The following TP73 variants were observed in gnomAD, a reference collection of about 807,000 sequenced individuals.
TP73 encodes tumor protein p73, also known as p53-like transcription factor.
A neutral mutation model predicts 62.5 loss-of-function variants in TP73; 25 were observed. The observed-to-expected ratio is 0.40, with a 90% CI of 0.29 to 0.56. The LOEUF is 0.56. TP73 is among the 20% of genes least tolerant of loss of function. The probability of loss-of-function intolerance (pLI) is 0.46; values close to 1 mark genes in which losing one functional copy is unlikely to be tolerated. For synonymous variants in TP73, 423 were observed against 377.5 expected (o/e 1.12, Z -1.40); for missense variants, 754 against 913.3 (o/e 0.83, Z 2.25).
At position 3,727,800 on chromosome 1, in the gene TP73, G is replaced by C. The variant is rs571470041; in HGVS notation, c.985+30G>C. The C allele has an allele frequency of 5.3e-6, 8 of 1,505,144 alleles. No individual in the cohort carries two copies. The South Asian group carries it at 1.0e-4, about 19-fold the overall frequency. 93.2% of individuals were successfully genotyped at this position (1,505,144 alleles called of 1,614,324 possible). Reference sequence around the variant, plus strand: ...GCGGCCGGCCAGGGGAACTGGACGCGTGTGGGAGGAGAAGGGGACACATTG... The same window carrying C: ...GCGGCCGGCCAGGGGAACTGGACGCCTGTGGGAGGAGAAGGGGACACATTG... On this transcript the variant is annotated intron_variant, in intron 8 of 13. Coordinates refer to ENST00000378295, the MANE Select transcript of TP73 (RefSeq NM_005427.4).
At chr1:3,724,029 T>C (rs1282169480) in intron 6 of TP73, among the ~76,000 whole-genome samples, 1 of 86,554 alleles carries the variant, frequency 1.2e-5, no homozygotes, top group Non-Finnish European at 2.4e-5. Flanking sequence ...GGGCACCACG[T>C]GGGTGGGGGG....
intron 7 of TP73, 100 bp from the exon 8 acceptor site, chr1:3,727,528 C>T: frequency 6.6e-7 from 1 of 1,504,848 alleles, no homozygotes; most frequent in South Asian, 1.2e-5. Flanking sequence ...ACCGAGGGCT[C>T]TCAAGGCCGG....
chr1:3,731,608 T>C (rs375742288), intron 13 of TP73, 52 bp downstream of exon 13: 4 of 1,528,542 alleles, frequency 2.6e-6, no homozygotes, highest in Non-Finnish European at 3.6e-6. Flanking sequence ...GAGGGGCCCC[T>C]GTCCGGAGGG....
intron 4 of TP73, among the ~76,000 whole-genome samples, chr1:3,711,476 G>A (rs766105720): frequency 6.6e-6 from 1 of 152,270 alleles, no homozygotes; most frequent in Non-Finnish European, 1.5e-5. Context: ...AGAACAGCCC[G>A]ACGCGATGGG....
intron 1 of TP73, among the ~76,000 whole-genome samples, chr1:3,653,385 G>A (rs1402761088): frequency 6.6e-6 from 1 of 152,246 alleles, no homozygotes; most frequent in Non-Finnish European, 1.5e-5. Context: ...GCCTTTCCCG[G>A]GGCTTGGACT....
chr1:3,694,646 C>G (rs372184922), intron 3 of TP73, among the ~76,000 whole-genome samples: 28 of 16,778 alleles, frequency 1.7e-3, no homozygotes, highest in Admixed American at 2.9e-3. Context: ...CGCAATCCCA[C>G]CCATGCAGCC....
intron 6 of TP73, among the ~76,000 whole-genome samples, chr1:3,726,009 TGGGGTGGGTGTG>T (rs2124505239): frequency 2.1e-5 from 1 of 48,408 alleles, no homozygotes; most frequent in Non-Finnish European, 3.8e-5. Context: ...GGTGGATGGA[TGGGGTGGGTGTG>T]GGGGTGGATG....
chr1:3,666,314 T>C lies in TP73; in HGVS notation c.-34+13673T>C, dbSNP rs1392314417. 6.6e-6 allele frequency among the ~76,000 whole-genome samples: 1 copy of C among 152,160 alleles called. No individual in the cohort carries two copies. The highest frequency in any genetic ancestry group is 2.4e-5 in the African/African-American group (1 of 41,508). On this transcript the variant is annotated intron_variant, in intron 1 of 13. Coordinates refer to ENST00000378295, the MANE Select transcript of TP73 (RefSeq NM_005427.4). This position sits in a 1 kb window ranked among gnomAD's most constrained non-coding sequence, Gnocchi z 6.4. The stretch of plus-strand genomic sequence containing the variant: ...ACACCACCACATCCAGTTAATTTAG[T>C]TTTGTTGTTTCTTGCTTTTAGAGAC...
intron 1 of TP73, chr1:3,652,911 A>C (rs1446263702): frequency 6.6e-6 from 1 of 152,360 alleles, no homozygotes; most frequent in African/African-American, 2.4e-5. Context: ...CGCCAAAGAC[A>C]GCCCCGCAGG....
At position 3,701,488 on chromosome 1, in the gene TP73, C is replaced by T. The variant is rs1197404805; in HGVS notation, c.187-6061C>T. On this transcript the variant is annotated intron_variant, in intron 3 of 13. Coordinates refer to ENST00000378295, the MANE Select transcript of TP73 (RefSeq NM_005427.4). This position sits in a 1 kb window ranked among gnomAD's most constrained non-coding sequence, Gnocchi z 4.7. ...CCTCTTGATCCCCACAACCATCCTA[C>T]GAAGTCCACGTTGATTTCTTTTTTG... Among the ~76,000 whole-genome samples the T allele has an allele frequency of 1.3e-5, 2 of 152,090 alleles. No individual in the cohort carries two copies. The highest frequency in any genetic ancestry group is 1.3e-4 in the Admixed American group (2 of 15,270).
At chr1:3,659,452 G>A (rs1426529273) in intron 1 of TP73, 2 of 152,144 alleles carry the variant, frequency 1.3e-5, no homozygotes, top group Admixed American at 6.5e-5. Flanking sequence ...CAATAAGAAC[G>A]GTGGGAGAAA....
In TP73 at chr1:3,663,061, A is replaced by G. The variant is rs1645032137; in HGVS notation, c.-34+10420A>G. 6.6e-6 allele frequency among the ~76,000 whole-genome samples: 1 copy of G among 152,184 alleles called. No homozygotes were observed. Among genetic ancestry groups the G allele is most frequent in the Non-Finnish European group, 1.5e-5 (1 of 68,030 alleles). On this transcript the variant is annotated intron_variant, in intron 1 of 13. Transcript: ENST00000378295. The surrounding 1 kb of genome is among the most constrained non-coding windows in gnomAD (Gnocchi z 4.7). ...GCTTTGCTGATCATTATCTGGAAAC[A>G]GTGATCACTGTCCCATTCACAGATG...
chr1:3,675,711 T>C (rs780145863), intron 1 of TP73, among the ~76,000 whole-genome samples: 1 of 151,988 alleles, frequency 6.6e-6, no homozygotes, highest in Non-Finnish European at 1.5e-5. Context: ...GGTGTCCCCA[T>C]GGGGAGTGCC....
chr1:3,706,000 G>A (rs1639594451), intron 3 of TP73, among the ~76,000 whole-genome samples: 1 of 152,222 alleles, frequency 6.6e-6, no homozygotes. Context: ...TCCTGTGCGG[G>A]CAGTGCACGT....
In TP73 at chr1:3,697,598, G is replaced by A. The variant is rs12067468; in HGVS notation, c.187-9951G>A. 5.9e-3 allele frequency among the ~76,000 whole-genome samples: 896 copies of A among 152,344 alleles called. 11 individuals carry two copies. The highest frequency in any genetic ancestry group is 0.02 in the African/African-American group (843 of 41,568). On this transcript the variant is annotated intron_variant, in intron 3 of 13. Coordinates refer to ENST00000378295, the MANE Select transcript of TP73 (RefSeq NM_005427.4). ...CTTGCTGGCTGGTTTGTTTACTGTC[G>A]TCAGCATGGAGGGCCGGGGTCGTGT...
chr1:3,692,127 A>G (rs1040997896), intron 3 of TP73, among the ~76,000 whole-genome samples: 7 of 151,934 alleles, frequency 4.6e-5, no homozygotes, highest in African/African-American at 1.7e-4. Flanking sequence ...TGGTGTGTGT[A>G]CGTGTGAGCA....
At chr1:3,669,873 T>G (rs1645201621) in intron 1 of TP73, among the ~76,000 whole-genome samples, 1 of 152,178 alleles carries the variant, frequency 6.6e-6, no homozygotes, top group Non-Finnish European at 1.5e-5. Context: ...AGTGTGTACG[T>G]GGCAGTGCCT....
rs187293482 is a variant in TP73, at chr1:3,733,093, C to A, written c.*14C>A. ...GAGATCCACTGAGGGCCTCGCCTGG[C>A]TGCAGCCTGCGCCACCGCCCAGAGA... On this transcript the variant is annotated 3_prime_UTR_variant, in exon 14 of 14. Transcript: ENST00000378295. 1.8e-4 allele frequency: 274 copies of A among 1,518,896 alleles called. No individual in the cohort carries two copies. In the African/African-American group the frequency reaches 3.6e-3, roughly 20 times the overall value. 94.1% of individuals were successfully genotyped at this position (1,518,896 alleles called of 1,614,324 possible).
At chr1:3,660,415 A>G (rs775027905) in intron 1 of TP73, among the ~76,000 whole-genome samples, 3 of 152,228 alleles carry the variant, frequency 2.0e-5, no homozygotes, top group African/African-American at 4.8e-5. Context: ...TCACTCTCAA[A>G]TATGATATTC....
Sources: allele counts gnomAD v4.1 joint callset (sites outside exome capture counted in the v4.1 genomes callset), GRCh38; gene constraint gnomAD v4.1.1; non-coding constraint Gnocchi (gnomAD v3.1); transcripts MANE v1.5; gene names NCBI Gene and HGNC (gene_info 2026-07-23, HGNC 2026-07-21).